The following RBFOX1 variants were observed in gnomAD, a reference collection of about 807,000 sequenced individuals.
The protein encoded by RBFOX1 is RNA binding fox-1 homolog 1.
In RBFOX1, 8 loss-of-function variants were observed where a neutral mutation model predicts 57.7. The ratio of observed to expected loss-of-function variants is 0.14; its 90% CI spans 0.08 to 0.25. The LOEUF (loss-of-function observed/expected upper bound fraction) is 0.25, where lower values mean the gene tolerates loss of function less well. Among genes scored for constraint, RBFOX1 ranks in the 10% least tolerant of loss-of-function variants. The pLI, the probability that RBFOX1 is intolerant of heterozygous loss-of-function variation, is 1.00. For synonymous variants in RBFOX1, 326 were observed against 222.4 expected, an observed-to-expected ratio of 1.47 and a Z score of -4.15; for missense variants, 611 against 548.5, an observed-to-expected ratio of 1.11 and a Z score of -1.14.
intron 4 of RBFOX1, among the ~76,000 whole-genome samples, chr16:7,321,131 T>TATACATATACA (rs1568198362): frequency 0.014 from 354 of 25,092 alleles, 1 homozygote; most frequent in South Asian, 0.036. Context: ...ATACATATAC[T>TATACATATACA]TATACTTATA....
intron 5 of RBFOX1, among the ~76,000 whole-genome samples, chr16:7,529,684 T>G (rs970492005): frequency 6.6e-6 from 1 of 152,214 alleles, no homozygotes; most frequent in Non-Finnish European, 1.5e-5. Flanking sequence ...ATACTGAATT[T>G]ACAACTTCTG....
At chr16:7,658,342 T>G (rs2066838835) in intron 12 of RBFOX1, among the ~76,000 whole-genome samples, 2 of 152,180 alleles carry the variant, frequency 1.3e-5, no homozygotes, top group South Asian at 4.1e-4. Flanking sequence ...GCACTTGCAT[T>G]GCTTATGGAA....
chr16:7,092,918 G>T (rs559110599), intron 4 of RBFOX1, among the ~76,000 whole-genome samples: 1 of 152,122 alleles, frequency 6.6e-6, no homozygotes, highest in South Asian at 2.1e-4. Context: ...AGTGTCATCT[G>T]TTTTTTTCCA....
intron 3 of RBFOX1, among the ~76,000 whole-genome samples, chr16:6,858,674 A>G (rs187694102): frequency 4.1e-4 from 63 of 152,298 alleles, no homozygotes; most frequent in African/African-American, 1.4e-3. Flanking sequence ...AAAAATAGAA[A>G]CAATAATTTT....
chr16:6,932,287 A>G (rs969137059), intron 3 of RBFOX1, among the ~76,000 whole-genome samples: 6 of 151,986 alleles, frequency 3.9e-5, no homozygotes, highest in Non-Finnish European at 8.8e-5. Flanking sequence ...TTGAATTTTC[A>G]GTAGAGACGG....
chr16:6,472,973 G>A (rs1016128778), intron 2 of RBFOX1, among the ~76,000 whole-genome samples: 4 of 152,100 alleles, frequency 2.6e-5, no homozygotes, highest in African/African-American at 9.7e-5. Context: ...AAGGAAGATA[G>A]CATGATCATA....
chr16:6,506,252 A>T (rs773549911), intron 2 of RBFOX1, among the ~76,000 whole-genome samples: 1 of 152,162 alleles, frequency 6.6e-6, no homozygotes, highest in African/African-American at 2.4e-5. Flanking sequence ...AGGGAGGACC[A>T]TGTGGGATGG....
rs186062504 is a variant in RBFOX1, at chr16:7,482,259, G to A, written c.28-35888G>A. Among the ~76,000 whole-genome samples the A allele has an allele frequency of 1.9e-3, 284 of 152,298 alleles. 2 individuals carry two copies. Among genetic ancestry groups the A allele is most frequent in the Non-Finnish European group, 3.6e-3 (243 of 68,018 alleles). ...TGTAAGAGCTCAAACAGTGTCAGCT[G>A]CAATCATCCTCATTAATTCTATCTT... is the stretch of plus-strand genomic sequence containing the variant. On this transcript the variant is annotated intron_variant, in intron 4 of 15. Coordinates refer to ENST00000550418, the MANE Select transcript of RBFOX1 (RefSeq NM_018723.4).
At chr16:7,669,407 A>C (rs1305701145) in intron 13 of RBFOX1, among the ~76,000 whole-genome samples, 1 of 152,234 alleles carries the variant, frequency 6.6e-6, no homozygotes, top group Non-Finnish European at 1.5e-5. Context: ...AGAATTGACA[A>C]ACGGATAGAA....
intron 4 of RBFOX1, among the ~76,000 whole-genome samples, chr16:7,319,873 G>A (rs192059106): frequency 1.4e-3 from 207 of 152,238 alleles, no homozygotes; most frequent in African/African-American, 4.6e-3. Flanking sequence ...GCTATTATGA[G>A]TACCAATACC....
intron 3 of RBFOX1, among the ~76,000 whole-genome samples, chr16:6,905,408 C>G (rs1006805314): frequency 6.6e-6 from 1 of 152,022 alleles, no homozygotes; most frequent in African/African-American, 2.4e-5. Flanking sequence ...CAAAAATTAA[C>G]TGAGCATGGT....
Position 7,403,567 on chromosome 16 carries a change from C to CA in RBFOX1, c.28-114580_28-114579insA. Among the ~76,000 whole-genome samples the CA allele has an allele frequency of 1.4e-5, 2 of 145,664 alleles. 1 individual carries two copies. The highest frequency in any genetic ancestry group is 4.8e-4 in the South Asian group (2 of 4,208). On this transcript the variant is annotated intron_variant, in intron 4 of 15. Transcript: ENST00000550418. ...TATTATTGCAAATGAGAGAATCCCC[C>CA]CCCCCCCACTTTTTTTTTGCCCAGT...
At chr16:7,055,630 T>C (rs1475007982) in intron 4 of RBFOX1, among the ~76,000 whole-genome samples, 1 of 152,176 alleles carries the variant, frequency 6.6e-6, no homozygotes, top group South Asian at 2.1e-4. Context: ...TTAGATGTCA[T>C]TGGCCAATCT....
intron 3 of RBFOX1, among the ~76,000 whole-genome samples, chr16:6,918,207 G>A (rs769991264): frequency 3.3e-4 from 50 of 151,762 alleles, no homozygotes; most frequent in Admixed American, 6.6e-4. Context: ...ACTTGAACCT[G>A]GGAGGTGGAG....
At chr16:7,033,164 C>T (rs1234812158) in intron 3 of RBFOX1, among the ~76,000 whole-genome samples, 4 of 152,044 alleles carry the variant, frequency 2.6e-5, no homozygotes, top group Non-Finnish European at 4.4e-5. Flanking sequence ...GATGACGAGG[C>T]GGTAAAGGTG....
At chr16:5,498,033 A>G (rs142027965) in intron 2 of RBFOX1, among the ~76,000 whole-genome samples, 1 of 152,230 alleles carries the variant, frequency 6.6e-6, no homozygotes, top group East Asian at 1.9e-4. Context: ...CAAGGAAGAG[A>G]GAAGATTCCA....
At chr16:7,467,745 C>T (rs965546262) in intron 4 of RBFOX1, among the ~76,000 whole-genome samples, 12 of 152,220 alleles carry the variant, frequency 7.9e-5, no homozygotes, top group Admixed American at 3.9e-4. Context: ...TCCCATGGTG[C>T]ACATGCAACG....
intron 4 of RBFOX1, among the ~76,000 whole-genome samples, chr16:7,420,452 C>T (rs991703067): frequency 1.3e-5 from 2 of 152,124 alleles, no homozygotes; most frequent in Non-Finnish European, 2.9e-5. Context: ...TGAAGGACTC[C>T]GGCTGGAATA....
chr16:7,166,095 C>G (rs572499833), intron 4 of RBFOX1, among the ~76,000 whole-genome samples: 1 of 152,226 alleles, frequency 6.6e-6, no homozygotes, highest in Admixed American at 6.5e-5. Context: ...CCCACTGTAA[C>G]TTCTGCCTCC....
Sources: gnomAD v4.1 joint callset for allele counts (sites outside exome capture counted in the v4.1 genomes callset) on GRCh38, gnomAD v4.1.1 for gene constraint, MANE v1.5 for transcripts, NCBI Gene and HGNC (gene_info 2026-07-23, HGNC 2026-07-21) for gene names.